Variants in MEF2C observed in about 807,000 individuals in gnomAD.
MEF2C encodes myocyte-specific enhancer factor 2C.
In MEF2C, 6 loss-of-function variants were observed where a neutral mutation model predicts 50.5. The ratio of observed to expected loss-of-function variants is 0.12; its 90% CI spans 0.07 to 0.23. The LOEUF (loss-of-function observed/expected upper bound fraction) is 0.23, where lower values mean the gene tolerates loss of function less well. MEF2C is among the 10% of genes least tolerant of loss of function. MEF2C has a pLI of 1.00. For missense variants in MEF2C, 276 were observed against 605.0 expected (o/e 0.46, Z 5.70); for synonymous variants, 183 against 228.0 (o/e 0.80, Z 1.78).
At chr5:88,804,472 G>C in intron 3 of MEF2C, 126 bp downstream of exon 3, 1 of 763,454 alleles carries the variant, frequency 1.3e-6, no homozygotes, top group Non-Finnish European at 2.1e-6. Context: ...AATAATCCTG[G>C]GTCTATCTAT....
intron 3 of MEF2C, among the ~76,000 whole-genome samples, chr5:88,804,191 T>A (rs1271418229): frequency 6.6e-6 from 1 of 152,176 alleles, no homozygotes; most frequent in African/African-American, 2.4e-5. Context: ...TTAAATACGT[T>A]TTTTCTTTGA....
At chr5:88,870,604 G>T (rs1267490700) in intron 1 of MEF2C, among the ~76,000 whole-genome samples, 1 of 152,010 alleles carries the variant, frequency 6.6e-6, no homozygotes, top group Non-Finnish European at 1.5e-5. Context: ...CCAACATGAT[G>T]AACATCATCC....
At chr5:88,757,995 C>T (rs527916509) in intron 4 of MEF2C, among the ~76,000 whole-genome samples, 2 of 152,302 alleles carry the variant, frequency 1.3e-5, no homozygotes, top group Admixed American at 1.3e-4. Flanking sequence ...CCAGCTACCA[C>T]CTTAGCTACA....
chr5:88,856,490 A>G (rs922832254), intron 1 of MEF2C, among the ~76,000 whole-genome samples: 1 of 152,218 alleles, frequency 6.6e-6, no homozygotes, highest in Non-Finnish European at 1.5e-5. Context: ...TCACCAAGAC[A>G]ATGGGAAAAA....
At chr5:88,877,566 T>G (rs1050513191) in intron 1 of MEF2C, among the ~76,000 whole-genome samples, 1 of 152,186 alleles carries the variant, frequency 6.6e-6, no homozygotes, top group East Asian at 1.9e-4. Flanking sequence ...TAATTATTTT[T>G]CTTTCACAGA....
At chr5:88,876,891 G>A (rs1831232247) in intron 1 of MEF2C, among the ~76,000 whole-genome samples, 1 of 151,948 alleles carries the variant, frequency 6.6e-6, no homozygotes, top group South Asian at 2.1e-4. Flanking sequence ...CAAGATAGAA[G>A]AGGAAAACCA....
intron 1 of MEF2C, among the ~76,000 whole-genome samples, chr5:88,895,425 G>T (rs1419620201): frequency 6.6e-6 from 1 of 151,970 alleles, no homozygotes; most frequent in Non-Finnish European, 1.5e-5. Context: ...ATACCCATTT[G>T]CCCAGAATGA....
chr5:88,826,410 A>T (rs1810867063), intron 1 of MEF2C, among the ~76,000 whole-genome samples: 1 of 151,968 alleles, frequency 6.6e-6, no homozygotes, highest in Non-Finnish European at 1.5e-5. Context: ...TTTAGTATGA[A>T]GTACACGTGC....
intron 10 of MEF2C, among the ~76,000 whole-genome samples, chr5:88,725,659 A>G (rs1297892602): frequency 6.6e-6 from 1 of 152,134 alleles, no homozygotes; most frequent in African/African-American, 2.4e-5. Flanking sequence ...ATGCTTTTGA[A>G]TTGGGAAAAC....
intron 2 of MEF2C, among the ~76,000 whole-genome samples, chr5:88,810,970 C>A (rs914834587): frequency 1.3e-5 from 2 of 152,018 alleles, no homozygotes; most frequent in South Asian, 4.1e-4. Context: ...TTTTAAAAAA[C>A]AATTACAAAA....
At chr5:88,755,305 C>CA (rs1774793329) in intron 4 of MEF2C, among the ~76,000 whole-genome samples, 1 of 152,164 alleles carries the variant, frequency 6.6e-6, no homozygotes, top group Non-Finnish European at 1.5e-5. Flanking sequence ...ACCTTTTAAA[C>CA]ATCCCTTGAC....
At chr5:88,858,376 A>T (rs1824256093) in intron 1 of MEF2C, among the ~76,000 whole-genome samples, 2 of 152,190 alleles carry the variant, frequency 1.3e-5, no homozygotes, top group South Asian at 4.1e-4. Flanking sequence ...GACTCCATAG[A>T]GATTGGAATA....
At position 88,902,366 on chromosome 5, in the gene MEF2C, A is replaced by G. The variant is rs559872186; in HGVS notation, c.-240+1550T>C. Among the ~76,000 whole-genome samples the G allele has an allele frequency of 1.5e-3, 223 of 152,062 alleles. 3 individuals are homozygous for G. Among genetic ancestry groups the G allele is most frequent in the African/African-American group, 5.0e-3 (208 of 41,560 alleles). Reference sequence around the variant, plus strand: ...TTTAAATGTTTTAATCATTTGAAATATATATGTAACAATTTATAATAAAAA... The same window carrying G: ...TTTAAATGTTTTAATCATTTGAAATGTATATGTAACAATTTATAATAAAAA... On this transcript the variant is annotated intron_variant, in intron 1 of 11. Coordinates refer to the MEF2C transcript ENST00000340208.
At chr5:88,777,137 G>A (rs1785160268) in intron 3 of MEF2C, among the ~76,000 whole-genome samples, 1 of 151,948 alleles carries the variant, frequency 6.6e-6, no homozygotes, top group African/African-American at 2.4e-5. Context: ...TGAGCTTAAG[G>A]GTATCATTTG....
chr5:88,747,618 G>A lies in MEF2C; in HGVS notation c.637+1452C>T, dbSNP rs1172021187. 2.0e-4 allele frequency among the ~76,000 whole-genome samples: 9 copies of A among 46,008 alleles called. 3 individuals carry two copies. Among genetic ancestry groups the A allele is most frequent in the East Asian group, 1.1e-3 (1 of 912 alleles). 30.2% of individuals were successfully genotyped at this position (46,008 alleles called of 152,430 possible). On this transcript the variant is annotated intron_variant, in intron 6 of 10. Transcript: ENST00000504921. ...CCCGCCTCGGCCTCCCAAAGTGCTG[G>A]GATTACAGGCGTGAGCCACCGCGCC... is the stretch of plus-strand genomic sequence containing the variant.
intron 1 of MEF2C, among the ~76,000 whole-genome samples, chr5:88,843,706 A>T (rs977520813): frequency 1.2e-4 from 18 of 152,210 alleles, no homozygotes; most frequent in Admixed American, 8.5e-4. Flanking sequence ...AACAGATTCT[A>T]TTTCAAGTTG....
chr5:88,855,673 C>G (rs1373647824), intron 1 of MEF2C, among the ~76,000 whole-genome samples: 1 of 152,144 alleles, frequency 6.6e-6, no homozygotes, highest in African/African-American at 2.4e-5. Context: ...CTCATGAGAT[C>G]TGATGGTTTT....
chr5:88,748,351 A>G (rs1406321516), intron 6 of MEF2C, among the ~76,000 whole-genome samples: 1 of 152,210 alleles, frequency 6.6e-6, no homozygotes, highest in Non-Finnish European at 1.5e-5. Flanking sequence ...AGAAATTACC[A>G]TGGTTACTTG....
At chr5:88,843,944 G>C (rs958974359) in intron 1 of MEF2C, among the ~76,000 whole-genome samples, 1 of 151,774 alleles carries the variant, frequency 6.6e-6, no homozygotes, top group Non-Finnish European at 1.5e-5. Flanking sequence ...TGAGTAACTG[G>C]GACTACAGGT....
Sources: allele counts gnomAD v4.1 joint callset (sites outside exome capture counted in the v4.1 genomes callset), GRCh38; gene constraint gnomAD v4.1.1; transcripts MANE v1.5; gene names NCBI Gene and HGNC (gene_info 2026-07-23, HGNC 2026-07-21).